Variants in GLIS3 observed in about 807,000 individuals in gnomAD.
GLIS3 encodes zinc finger protein GLIS3.
In GLIS3, 53 loss-of-function variants were observed where a neutral mutation model predicts 78.6. That is an observed-to-expected ratio of 0.67 (90% CI 0.54 to 0.85). GLIS3 has a LOEUF of 0.85. GLIS3 is among the 40% of genes least tolerant of loss of function. The pLI, the probability that GLIS3 is intolerant of heterozygous loss-of-function variation, is 0.00. For synonymous variants in GLIS3, 684 were observed against 509.9 expected (o/e 1.34, Z -4.60); for missense variants, 1,703 against 1,231.1 (o/e 1.38, Z -5.74).
At chr9:4,306,911 T>C (rs572638369) in intron 4 of GLIS3, among the ~76,000 whole-genome samples, 57 of 152,340 alleles carry the variant, frequency 3.7e-4, no homozygotes, top group African/African-American at 8.2e-4. Flanking sequence ...AGTTAGACAA[T>C]TGGAACTTGA....
At chr9:4,303,206 C>A (rs952524371), upstream of GLIS3, among the ~76,000 whole-genome samples, 2 of 151,826 alleles carry the variant, frequency 1.3e-5, no homozygotes, top group African/African-American at 4.8e-5. Flanking sequence ...AATTTGAACC[C>A]CAAAATACAG....
At chr9:4,015,641 A>G (rs111798297) in intron 4 of GLIS3, among the ~76,000 whole-genome samples, 1 of 152,102 alleles carries the variant, frequency 6.6e-6, no homozygotes, top group Non-Finnish European at 1.5e-5. Context: ...TAATCCCAGC[A>G]CTTTGGGAGG....
chr9:4,073,257 A>T (rs1043864557), intron 4 of GLIS3, among the ~76,000 whole-genome samples: 2 of 152,182 alleles, frequency 1.3e-5, no homozygotes, highest in Non-Finnish European at 2.9e-5. Flanking sequence ...TGACGGCAAC[A>T]TTCATCTGAA....
chr9:3,920,007 T>G (rs1204283340), intron 6 of GLIS3, among the ~76,000 whole-genome samples: 1 of 147,972 alleles, frequency 6.8e-6, no homozygotes, highest in Non-Finnish European at 1.5e-5. Flanking sequence ...ACAGTTTTTT[T>G]TTTTTTTTTT....
Position 3,965,931 on chromosome 9 carries a change from C to T in GLIS3, c.1711-28742G>A, listed in dbSNP as rs192379288. 1.1e-4 allele frequency among the ~76,000 whole-genome samples: 16 copies of T among 152,312 alleles called. No individual in the cohort carries two copies. The East Asian group carries it at 1.3e-3, about 13-fold the overall frequency. ...CACATGTCATTGTTTGTTAAAACCT[C>T]GTTCTTCACTGTGTGGTCTTCAAAC... On this transcript the variant is annotated intron_variant, in intron 4 of 10. Transcript: ENST00000381971.
At chr9:4,100,375 G>A (rs1830274650) in intron 4 of GLIS3, among the ~76,000 whole-genome samples, 2 of 152,190 alleles carry the variant, frequency 1.3e-5, no homozygotes, top group South Asian at 2.1e-4. Flanking sequence ...GAGAGTATTT[G>A]TATGTTTTAA....
intron 4 of GLIS3, among the ~76,000 whole-genome samples, chr9:4,010,269 CT>C (rs1821893979): frequency 6.6e-6 from 1 of 152,132 alleles, no homozygotes; most frequent in African/African-American, 2.4e-5. Flanking sequence ...GACATATAAC[CT>C]TGGCCAAGTT....
intron 4 of GLIS3, among the ~76,000 whole-genome samples, chr9:4,082,889 C>G (rs1018580780): frequency 1.3e-5 from 2 of 152,106 alleles, no homozygotes; most frequent in Non-Finnish European, 2.9e-5. Flanking sequence ...TTTTCGACAC[C>G]TCTTTTTGTT....
chr9:4,027,388 T>C (rs2130225591), intron 4 of GLIS3, among the ~76,000 whole-genome samples: 1 of 152,376 alleles, frequency 6.6e-6, no homozygotes, highest in Admixed American at 6.5e-5. Flanking sequence ...CATACTAGGA[T>C]GCTTTTCTCA....
At chr9:3,984,254 G>C (rs1211136444) in intron 4 of GLIS3, among the ~76,000 whole-genome samples, 1 of 152,236 alleles carries the variant, frequency 6.6e-6, no homozygotes, top group Non-Finnish European at 1.5e-5. Flanking sequence ...ACCTAGAAAA[G>C]TTGCAGACAC....
chr9:4,115,835 G>A (rs539029056), intron 4 of GLIS3, among the ~76,000 whole-genome samples: 18 of 152,190 alleles, frequency 1.2e-4, no homozygotes, highest in South Asian at 2.1e-4. Context: ...TCCTAGATTC[G>A]ATACACTGTT....
At position 4,083,963 on chromosome 9, in the gene GLIS3, T is replaced by A. The variant is rs546280820; in HGVS notation, c.1710+33805A>T. On this transcript the variant is annotated intron_variant, in intron 4 of 10. Coordinates refer to ENST00000381971, the MANE Select transcript of GLIS3 (RefSeq NM_001042413.2). ...CCTCTGTTTAACTACTCTGGGTTCA[T>A]CACCATTTACACTATTGCAGATGAC... is the stretch of plus-strand genomic sequence containing the variant. Among the ~76,000 whole-genome samples the A allele has an allele frequency of 1.2e-4, 19 of 152,298 alleles. No homozygotes were observed. The East Asian group carries it at 3.1e-3, about 25-fold the overall frequency.
chr9:4,212,315 C>G (rs767098782), intron 2 of GLIS3, among the ~76,000 whole-genome samples: 1 of 152,250 alleles, frequency 6.6e-6, no homozygotes, highest in Non-Finnish European at 1.5e-5. Context: ...CTTCATTTCA[C>G]AGCCACACTT....
At chr9:4,029,988 T>C (rs553368095) in intron 4 of GLIS3, among the ~76,000 whole-genome samples, 196 of 152,310 alleles carry the variant, frequency 1.3e-3, no homozygotes, top group African/African-American at 4.5e-3. Flanking sequence ...GATCTTACGG[T>C]GGCTCAATTT....
chr9:3,916,187 C>G (rs959231757), intron 6 of GLIS3, among the ~76,000 whole-genome samples: 7 of 152,158 alleles, frequency 4.6e-5, no homozygotes, highest in Admixed American at 2.0e-4. Context: ...AAAGCACATG[C>G]CTTTGTGAAA....
intron 4 of GLIS3, among the ~76,000 whole-genome samples, chr9:4,033,036 G>C (rs1001972021): frequency 6.6e-6 from 1 of 151,960 alleles, no homozygotes; most frequent in African/African-American, 2.4e-5. Flanking sequence ...TTGTTTTTTA[G>C]TAGAGACGGG....
intron 7 of GLIS3, among the ~76,000 whole-genome samples, chr9:3,894,856 T>G (rs1490098869): frequency 6.6e-6 from 1 of 152,202 alleles, no homozygotes; most frequent in African/African-American, 2.4e-5. Flanking sequence ...TTCTCGTAGA[T>G]TTCTCTTGTT....
intron 4 of GLIS3, among the ~76,000 whole-genome samples, chr9:4,049,717 C>T (rs1295638607): frequency 6.6e-6 from 1 of 152,102 alleles, no homozygotes. Flanking sequence ...GGACTAATAT[C>T]CAGAATCTAC....
At chr9:4,463,160 T>G in the GLIS3 span, among the ~76,000 whole-genome samples, 2 of 152,238 alleles carry the variant, frequency 1.3e-5, no homozygotes, top group Non-Finnish European at 2.9e-5. Flanking sequence ...ATGTTGGTTG[T>G]CACAAACACA....
Sources: gnomAD v4.1 joint callset for allele counts (sites outside exome capture counted in the v4.1 genomes callset) on GRCh38, gnomAD v4.1.1 for gene constraint, MANE v1.5 for transcripts, NCBI Gene and HGNC (gene_info 2026-07-23, HGNC 2026-07-21) for gene names.